The following CTNNA3 variants were observed in gnomAD, a reference collection of about 807,000 sequenced individuals.
The protein encoded by CTNNA3 is catenin alpha-3.
In CTNNA3, 76 loss-of-function variants were observed where a neutral mutation model predicts 95.7. The observed-to-expected ratio is 0.79, with a 90% confidence interval of 0.66 to 0.96. The LOEUF is 0.96. Ranked by LOEUF, CTNNA3 falls within the 40% of genes least tolerant of loss-of-function variation. The pLI is 0.00. For missense variants in CTNNA3, 1,191 were observed against 1,089.8 expected (o/e 1.09, Z -1.31); for synonymous variants, 431 against 374.4 (o/e 1.15, Z -1.74).
At chr10:66,887,414 A>G (rs953937842) in intron 7 of CTNNA3, among the ~76,000 whole-genome samples, 4 of 152,190 alleles carry the variant, frequency 2.6e-5, no homozygotes, top group Non-Finnish European at 5.9e-5. Flanking sequence ...AAAGTCTAGT[A>G]TTAGAGAAGA....
intron 2 of CTNNA3, among the ~76,000 whole-genome samples, chr10:67,632,126 C>CACACA (rs1839161671): frequency 1.4e-5 from 2 of 138,964 alleles, no homozygotes; most frequent in African/African-American, 2.7e-5. Flanking sequence ...AGTGTCTTAG[C>CACACA]CACACACACA....
At chr10:67,636,119 A>G (rs183880841) in intron 2 of CTNNA3, among the ~76,000 whole-genome samples, 1 of 152,184 alleles carries the variant, frequency 6.6e-6, no homozygotes, top group Non-Finnish European at 1.5e-5. Flanking sequence ...AGGGAAGTGA[A>G]AGCCTTCTTC....
At chr10:66,826,163 A>G (rs942510481) in intron 7 of CTNNA3, among the ~76,000 whole-genome samples, 12 of 152,200 alleles carry the variant, frequency 7.9e-5, no homozygotes, top group African/African-American at 2.9e-4. Context: ...TTTGATAGAC[A>G]TATGTCAATC....
chr10:66,926,884 TG>T, intron 7 of CTNNA3: 1 of 1,517,862 alleles, frequency 6.6e-7, no homozygotes, highest in Non-Finnish European at 8.8e-7. Context: ...AATTCTTTTT[TG>T]GGGGGATAAC....
chr10:67,758,093 T>C (rs1009850126), intron 1 of CTNNA3, among the ~76,000 whole-genome samples: 1 of 152,018 alleles, frequency 6.6e-6, no homozygotes, highest in Admixed American at 6.6e-5. Context: ...TTCTCTCTTT[T>C]ATTGAGCTGA....
chr10:67,301,948 G>A lies in CTNNA3; in HGVS notation c.580-82078C>T, dbSNP rs552306650. 4.1e-5 allele frequency among the ~76,000 whole-genome samples: 6 copies of A among 146,250 alleles called. No homozygotes were observed. In the East Asian group the frequency reaches 6.1e-4, roughly 15 times the overall value. On this transcript the variant is annotated intron_variant, in intron 5 of 17. Transcript: ENST00000433211. ...CGCGCCACTGCACCCCAGCCTGGGC[G>A]ACAGAGCGAGACTCGTCAAGAAAGA... is the stretch of plus-strand genomic sequence containing the variant.
chr10:66,598,176 A>T (rs568674696), intron 10 of CTNNA3, among the ~76,000 whole-genome samples: 1 of 152,226 alleles, frequency 6.6e-6, no homozygotes, highest in East Asian at 1.9e-4. Context: ...ACATCTCAAT[A>T]GATGAAGAAA....
chr10:67,398,720 C>A (rs1371238932), intron 5 of CTNNA3, among the ~76,000 whole-genome samples: 2 of 152,074 alleles, frequency 1.3e-5, no homozygotes, highest in African/African-American at 4.8e-5. Flanking sequence ...GGGAGGGTAC[C>A]TGGTGGGAGG....
chr10:66,051,209 A>G (rs2079950896), intron 15 of CTNNA3, among the ~76,000 whole-genome samples: 1 of 152,068 alleles, frequency 6.6e-6, no homozygotes, highest in Non-Finnish European at 1.5e-5. Context: ...TATTCCTCTA[A>G]TTTCTGTAAG....
chr10:66,383,462 A>G (rs1229654377), intron 11 of CTNNA3, among the ~76,000 whole-genome samples: 1 of 152,240 alleles, frequency 6.6e-6, no homozygotes, highest in Non-Finnish European at 1.5e-5. Flanking sequence ...GACCAAATCT[A>G]TGTTTGATTG....
chr10:67,281,845 A>G (rs1193534890), intron 5 of CTNNA3, among the ~76,000 whole-genome samples: 1 of 152,148 alleles, frequency 6.6e-6, no homozygotes, highest in Non-Finnish European at 1.5e-5. Context: ...GACATTTTCA[A>G]TGTAACAAGA....
At chr10:66,151,209 A>T (rs2084181214) in intron 13 of CTNNA3, among the ~76,000 whole-genome samples, 1 of 152,118 alleles carries the variant, frequency 6.6e-6, no homozygotes. Context: ...CTAAATTGAT[A>T]TTTAGATAAA....
chr10:67,377,988 C>T (rs551210510), intron 5 of CTNNA3, among the ~76,000 whole-genome samples: 1 of 152,138 alleles, frequency 6.6e-6, no homozygotes, highest in East Asian at 1.9e-4. Flanking sequence ...CAAGCCACCC[C>T]CACACTTCAG....
At chr10:66,810,625 A>G (rs1841838511) in intron 7 of CTNNA3, among the ~76,000 whole-genome samples, 1 of 138,528 alleles carries the variant, frequency 7.2e-6, no homozygotes, top group African/African-American at 2.8e-5. Flanking sequence ...TCAGCTAGAA[A>G]CTGAGTAAAA....
chr10:66,777,984 A>T (rs1052807471), intron 7 of CTNNA3, among the ~76,000 whole-genome samples: 1 of 152,180 alleles, frequency 6.6e-6, no homozygotes, highest in Non-Finnish European at 1.5e-5. Flanking sequence ...TGACAGCACA[A>T]AGAGATTCAA....
intron 5 of CTNNA3, among the ~76,000 whole-genome samples, chr10:67,332,381 G>A (rs1384630011): frequency 6.6e-6 from 1 of 152,152 alleles, no homozygotes; most frequent in African/African-American, 2.4e-5. Flanking sequence ...TAAAGAAGGT[G>A]AATTAGGAAA....
chr10:66,766,374 C>G lies in CTNNA3; in HGVS notation c.1171G>C (p.Asp391His). Residue 391 changes from aspartate (D) to histidine (H), a missense_variant, in exon 9 of 18, where the codon GAT (aspartate) becomes CAT (histidine). By Grantham distance (81) the Asp-to-His change is moderately conservative. Coordinates refer to ENST00000433211, the MANE Select transcript of CTNNA3 (RefSeq NM_013266.4). ...AGAACCAAAAGAGGGACTGTCGTATCCAGGAAAGAGTCTGACACATGATCT... is the reference window on the plus strand; with the variant it reads ...AGAACCAAAAGAGGGACTGTCGTATGCAGGAAAGAGTCTGACACATGATCT... ...IIDHVSDSFL[D>H]TTVPLLVLIE... 1 of 1,613,690 alleles carries G rather than the reference C, an allele frequency of 6.2e-7. No individual in the cohort carries two copies. The highest frequency in any genetic ancestry group is 8.5e-7 in the Non-Finnish European group (1 of 1,179,784).
In CTNNA3 at chr10:67,489,788, T is replaced by TTATATATATA. The variant is rs372899542; in HGVS notation, c.579+32044_579+32053dup. On this transcript the variant is annotated intron_variant, in intron 5 of 17. Coordinates refer to ENST00000433211, the MANE Select transcript of CTNNA3 (RefSeq NM_013266.4). ...TTAAGTATATTTATAATACATGATT[T>TTATATATATA]TATATATATATATATATACACACAT... Among the ~76,000 whole-genome samples the TTATATATATA allele has an allele frequency of 1.2e-3, 164 of 142,442 alleles. 1 individual carries two copies. The highest frequency in any genetic ancestry group is 4.4e-3 in the African/African-American group (161 of 36,274). 93.4% of individuals were successfully genotyped at this position (142,442 alleles called of 152,430 possible).
chr10:67,097,332 G>C (rs1192416640), intron 7 of CTNNA3, among the ~76,000 whole-genome samples: 1 of 151,828 alleles, frequency 6.6e-6, no homozygotes, highest in Admixed American at 6.6e-5. Flanking sequence ...ATCATTTTCA[G>C]AACCATGTAG....
Sources: allele counts gnomAD v4.1 joint callset (sites outside exome capture counted in the v4.1 genomes callset), GRCh38; gene constraint gnomAD v4.1.1; transcripts MANE v1.5; gene names NCBI Gene and HGNC (gene_info 2026-07-23, HGNC 2026-07-21).